OTOGL: variants seen among roughly 807,000 people sequenced by gnomAD.
OTOGL encodes the protein otogelin like.
Under a neutral mutation model 318.5 loss-of-function variants are expected in OTOGL, and 285 were observed. The ratio of observed to expected loss-of-function variants is 0.89; its 90% CI spans 0.81 to 0.99. OTOGL has a LOEUF of 0.99. OTOGL is among the 50% of genes least tolerant of loss of function. The pLI, the probability that OTOGL is intolerant of heterozygous loss-of-function variation, is 0.00. For missense variants in OTOGL, 2,899 were observed against 2,845.6 expected (o/e 1.02, Z -0.43); for synonymous variants, 987 against 936.5 (o/e 1.05, Z -0.99).
chr12:80,128,108 G>A (rs976016645), intron 1 of OTOGL, among the ~76,000 whole-genome samples: 2 of 152,200 alleles, frequency 1.3e-5, no homozygotes, highest in East Asian at 1.9e-4. Flanking sequence ...TGGAGGAGGA[G>A]AGGAGCTCTG....
At chr12:80,124,554 GTTT>G (rs957509139) in intron 1 of OTOGL, among the ~76,000 whole-genome samples, 3 of 152,150 alleles carry the variant, frequency 2.0e-5, no homozygotes, top group Non-Finnish European at 4.4e-5. Context: ...CTTTAAAGTA[GTTT>G]TTTCCAATTC....
intron 1 of OTOGL, among the ~76,000 whole-genome samples, chr12:80,155,382 A>G (rs1362713292): frequency 6.6e-6 from 1 of 152,134 alleles, no homozygotes; most frequent in South Asian, 2.1e-4. Flanking sequence ...GTTTTCTCCT[A>G]TGTTATATAT....
chr12:80,254,520 T>C lies in OTOGL; in HGVS notation c.1395-4T>C. 1.9e-6 allele frequency: 3 copies of C among 1,603,444 alleles called. No individual in the cohort carries two copies. The highest frequency in any genetic ancestry group is 2.6e-6 in the Non-Finnish European group (3 of 1,172,606). On this transcript the variant is annotated splice_polypyrimidine_tract_variant and splice_region_variant and intron_variant, in intron 14 of 58. Coordinates refer to ENST00000547103, the MANE Select transcript of OTOGL (RefSeq NM_001378609.3). ...TAGATTAATATTTTTATAATTTCTT[T>C]TAGTGTGTGTGTTGGTGGAGTTTGG...
chr12:80,140,242 G>A (rs1279634684), intron 1 of OTOGL, among the ~76,000 whole-genome samples: 1 of 152,178 alleles, frequency 6.6e-6, no homozygotes, highest in Non-Finnish European at 1.5e-5. Context: ...GGTTTGAGTT[G>A]TTTTTCGTTT....
At chr12:80,377,798 C>A in intron 58 of OTOGL, 50 bp from the exon 59 acceptor site, 3 of 1,359,316 alleles carry the variant, frequency 2.2e-6, no homozygotes, top group Non-Finnish European at 2.0e-6. Flanking sequence ...AAATAATAAC[C>A]AGTACTTTTA....
intron 52 of OTOGL, among the ~76,000 whole-genome samples, chr12:80,365,977 A>G (rs188850693): frequency 2.6e-5 from 4 of 152,260 alleles, no homozygotes; most frequent in Non-Finnish European, 5.9e-5. Context: ...CATAGTAACA[A>G]TGTACTAACA....
At chr12:80,267,642 AGT>A (rs1169956256) in intron 22 of OTOGL, among the ~76,000 whole-genome samples, 1 of 141,386 alleles carries the variant, frequency 7.1e-6, no homozygotes, top group Non-Finnish European at 1.5e-5. Context: ...CCCACTTATG[AGT>A]GAGAACATGC....
rs201186191 is a variant in OTOGL at position 80,302,742 on chromosome 12, A to G, written c.3172A>G (p.Arg1058Gly). The part of the protein sequence containing the change: ...PEKDITILWD[R>G]KTTIHIKVGP... ...GAAAGATATCACTATTCTTTGGGAT[A>G]GGAAGACAACTATTCATATCAAAGT... Residue 1058 changes from arginine (R) to glycine (G), a missense_variant, in exon 28 of 59, where the codon AGG becomes GGG. Arg to Gly is a moderately radical substitution (Grantham distance 125). Transcript: ENST00000547103. The G allele has an allele frequency of 1.2e-4, 183 of 1,544,408 alleles. 1 individual carries two copies. The African/African-American group carries it at 2.3e-3, about 20-fold the overall frequency.
Position 80,367,628 on chromosome 12 carries a change from T to C in OTOGL, c.6399T>C (p.Tyr2133=). The change falls in exon 54 of 59, where the codon TAT becomes TAC. Residue 2133 remains tyrosine, a synonymous_variant. Coordinates refer to ENST00000547103, the MANE Select transcript of OTOGL (RefSeq NM_001378609.3). ...ATCCTGGACAATCCATGATAAAGTA[T>C]TTGGAAGAAGACTTTTGTTATGCTA... ...VLNPGQSMIK[Y]LEEDFCYAIE... The C allele has an allele frequency of 6.5e-7, 1 of 1,542,932 alleles. No individual in the cohort carries two copies. The highest frequency in any genetic ancestry group is 1.4e-5 in the African/African-American group (1 of 72,506).
At position 80,266,214 on chromosome 12, in the gene OTOGL, T is replaced by C. The variant is rs1257125320; in HGVS notation, c.2225-237T>C. ...TCTGCAAAGCTGAAAATATTTACCA[T>C]TTGCGAAGCTGAAAATACTTACCAT... On this transcript the variant is annotated intron_variant, in intron 20 of 58. Coordinates refer to ENST00000547103, the MANE Select transcript of OTOGL (RefSeq NM_001378609.3). The C allele has an allele frequency of 7.4e-5, 37 of 497,250 alleles. No homozygotes were observed. In the Admixed American group the frequency reaches 1.3e-3, roughly 17 times the overall value. The allele number at this position is 497,250 out of a possible 1,614,324, so 30.8% of individuals were successfully genotyped here. A position where few individuals can be genotyped will look rare whatever the true frequency, so the allele number is the denominator to read the frequency against.
chr12:80,350,422 G>C (rs1889472820), intron 44 of OTOGL, among the ~76,000 whole-genome samples: 1 of 152,154 alleles, frequency 6.6e-6, no homozygotes, highest in Admixed American at 6.5e-5. Context: ...TATGTACGTA[G>C]TAGTAGGGTA....
intron 44 of OTOGL, among the ~76,000 whole-genome samples, chr12:80,346,697 C>T (rs1429707193): frequency 1.3e-5 from 2 of 152,104 alleles, no homozygotes; most frequent in African/African-American, 4.8e-5. Flanking sequence ...TATTTTAAAG[C>T]AAATCTACTT....
rs376534027 is a variant in OTOGL, at chr12:80,366,684, G to A, written c.6331+47G>A. 4.0e-4 allele frequency: 306 copies of A among 764,570 alleles called. 3 individuals carry two copies. Among genetic ancestry groups the A allele is most frequent in the Non-Finnish European group, 4.8e-4 (281 of 591,240 alleles). 47.4% of individuals were successfully genotyped at this position (764,570 alleles called of 1,614,324 possible). On this transcript the variant is annotated intron_variant, in intron 53 of 58. Transcript: ENST00000547103. ...TTTAAATTATAAATGAATATCATTA[G>A]TATCTGTTTTTTCACTATTAATAAG...
intron 1 of OTOGL, among the ~76,000 whole-genome samples, chr12:80,158,403 C>A (rs1449377334): frequency 6.6e-6 from 1 of 151,876 alleles, no homozygotes; most frequent in East Asian, 1.9e-4. Context: ...ATCCATTGCA[C>A]CCAAGGGTTT....
At chr12:80,371,803 A>G (rs2138098818) in intron 56 of OTOGL, among the ~76,000 whole-genome samples, 1 of 152,294 alleles carries the variant, frequency 6.6e-6, no homozygotes, top group East Asian at 1.9e-4. Context: ...TCTTTTCCAT[A>G]GTACCAATGT....
At chr12:80,356,577 A>G in intron 48 of OTOGL, 57 bp downstream of exon 48, 2 of 1,305,858 alleles carry the variant, frequency 1.5e-6, no homozygotes, top group East Asian at 4.8e-5. Flanking sequence ...CAGAACAGTG[A>G]ATTAGATTCT....
chr12:80,196,262 T>A (rs948030107), intron 1 of OTOGL, among the ~76,000 whole-genome samples: 1 of 151,494 alleles, frequency 6.6e-6, no homozygotes, highest in Non-Finnish European at 1.5e-5. Flanking sequence ...TAAAATGCAG[T>A]CAATGCAATT....
rs145499373 is a variant in OTOGL, at chr12:80,303,401, C to T, written c.3213+618C>T. On this transcript the variant is annotated intron_variant, in intron 28 of 58. Transcript: ENST00000547103. ...TGATCTCCTGACCTCATGATCCACC[C>T]GCCTCGGCCTCCCAAAGTGCTGGGA... is the stretch of plus-strand genomic sequence containing the variant. Among the ~76,000 whole-genome samples the T allele has an allele frequency of 3.9e-3, 589 of 152,236 alleles. 4 individuals carry two copies. Among genetic ancestry groups the T allele is most frequent in the African/African-American group, 0.012 (496 of 41,552 alleles).
At chr12:80,328,893 C>A in intron 36 of OTOGL, 149 bp downstream of exon 36, 1 of 1,041,120 alleles carries the variant, frequency 9.6e-7, no homozygotes, top group Non-Finnish European at 1.4e-6. Context: ...CTTTTTTTCC[C>A]TAATTACTTT....
Sources: gnomAD v4.1 joint callset for allele counts (sites outside exome capture counted in the v4.1 genomes callset) on GRCh38, gnomAD v4.1.1 for gene constraint, MANE v1.5 for transcripts, NCBI Gene and HGNC (gene_info 2026-07-23, HGNC 2026-07-21) for gene names.